Variants in RANBP9 observed in about 807,000 individuals in gnomAD.
RANBP9 encodes ran-binding protein 9.
In RANBP9, 15 loss-of-function variants were observed where a neutral mutation model predicts 84.3. The ratio of observed to expected loss-of-function variants is 0.18; its 90% CI spans 0.12 to 0.27. The LOEUF (loss-of-function observed/expected upper bound fraction) is 0.27. Among genes scored for constraint, RANBP9 ranks in the 10% least tolerant of loss-of-function variants. The probability of loss-of-function intolerance (pLI) is 1.00; values close to 1 mark genes in which losing one functional copy is unlikely to be tolerated. For missense variants in RANBP9, 809 were observed against 912.8 expected (o/e 0.89, Z 1.46); for synonymous variants, 392 against 349.6 (o/e 1.12, Z -1.35).
intron 2 of RANBP9, among the ~76,000 whole-genome samples, chr6:13,663,376 A>C (rs1408026776): frequency 6.6e-6 from 1 of 152,194 alleles, no homozygotes; most frequent in Non-Finnish European, 1.5e-5. Context: ...ATTTTCAGAT[A>C]AAAGAAAAAC....
intron 12 of RANBP9, among the ~76,000 whole-genome samples, chr6:13,630,915 T>C (rs1479118175): frequency 6.6e-6 from 1 of 152,122 alleles, no homozygotes; most frequent in Non-Finnish European, 1.5e-5. Context: ...GTTCAAGTGA[T>C]TCTCCTGCCT....
intron 2 of RANBP9, among the ~76,000 whole-genome samples, chr6:13,673,760 A>G (rs1765826177): frequency 1.3e-5 from 2 of 152,198 alleles, no homozygotes; most frequent in Admixed American, 1.3e-4. Context: ...TTTATACAGA[A>G]AAGAAAAATG....
chr6:13,686,020 T>C (rs1006492109), intron 2 of RANBP9, among the ~76,000 whole-genome samples: 4 of 150,940 alleles, frequency 2.7e-5, no homozygotes, highest in African/African-American at 9.7e-5. Context: ...TAGCAATTAA[T>C]TATACAAAAA....
At chr6:13,663,279 C>A (rs1188414117) in intron 2 of RANBP9, among the ~76,000 whole-genome samples, 2 of 151,472 alleles carry the variant, frequency 1.3e-5, no homozygotes, top group Non-Finnish European at 2.9e-5. Context: ...TTTAAAAGTG[C>A]TAAAAAGAAA....
intron 11 of RANBP9, among the ~76,000 whole-genome samples, chr6:13,633,182 G>A (rs1210722146): frequency 1.3e-5 from 2 of 152,014 alleles, no homozygotes; most frequent in East Asian, 3.9e-4. Context: ...TTACAGGCAC[G>A]CGCCATCATG....
chr6:13,695,864 G>A (rs779607332), intron 2 of RANBP9, among the ~76,000 whole-genome samples: 9 of 152,010 alleles, frequency 5.9e-5, no homozygotes, highest in Admixed American at 3.3e-4. Flanking sequence ...CACTTATTTG[G>A]TTAATTAAAC....
intron 2 of RANBP9, among the ~76,000 whole-genome samples, chr6:13,667,037 G>C (rs1027185638): frequency 1.3e-5 from 2 of 152,140 alleles, no homozygotes; most frequent in African/African-American, 4.8e-5. Context: ...CCAACAGTGA[G>C]GGACAGGCAA....
At chr6:13,663,424 C>T (rs1270729489) in intron 2 of RANBP9, among the ~76,000 whole-genome samples, 1 of 152,014 alleles carries the variant, frequency 6.6e-6, no homozygotes, top group African/African-American at 2.4e-5. Context: ...TAAAAAAATG[C>T]TCTTAATTTT....
chr6:13,658,477 C>T (rs781106673), intron 3 of RANBP9, among the ~76,000 whole-genome samples: 1 of 151,998 alleles, frequency 6.6e-6, no homozygotes, highest in Non-Finnish European at 1.5e-5. Flanking sequence ...GGCCTGGTGG[C>T]GCATGCCTGT....
At chr6:13,683,044 G>T (rs893775345) in intron 2 of RANBP9, among the ~76,000 whole-genome samples, 2 of 152,142 alleles carry the variant, frequency 1.3e-5, no homozygotes, top group Non-Finnish European at 2.9e-5. Flanking sequence ...CTTAGATTCT[G>T]TACTATACAA....
intron 2 of RANBP9, among the ~76,000 whole-genome samples, chr6:13,664,107 C>CT (rs1765593478): frequency 6.6e-6 from 1 of 152,068 alleles, no homozygotes; most frequent in Non-Finnish European, 1.5e-5. Flanking sequence ...GATGATATGA[C>CT]TGTTTATAAA....
intron 2 of RANBP9, among the ~76,000 whole-genome samples, chr6:13,661,820 C>G (rs1284261651): frequency 6.6e-6 from 1 of 152,012 alleles, no homozygotes; most frequent in Non-Finnish European, 1.5e-5. Context: ...ATCTTAAAAG[C>G]TACCAGAAAG....
At chr6:13,664,347 G>A (rs1224531178) in intron 2 of RANBP9, among the ~76,000 whole-genome samples, 1 of 152,092 alleles carries the variant, frequency 6.6e-6, no homozygotes. Flanking sequence ...AATCTTAAAA[G>A]ACGTAAATAA....
At chr6:13,657,353 T>C in intron 3 of RANBP9, 77 bp from the exon 4 acceptor site, 1 of 1,273,158 alleles carries the variant, frequency 7.9e-7, no homozygotes, top group Non-Finnish European at 1.1e-6. Flanking sequence ...AAGATTATGA[T>C]AAATCAGAAC....
rs191736829 is a variant in RANBP9 at position 13,710,473 on chromosome 6, G to A, written c.571+462C>T. On this transcript the variant is annotated intron_variant, in intron 1 of 13. Coordinates refer to ENST00000011619, the MANE Select transcript of RANBP9 (RefSeq NM_005493.3). ...ATTACTCCTCCCCCTGTGTATCCCT[G>A]CTCTCTCTTAATTAGAAATCATACC... Among the ~76,000 whole-genome samples the A allele has an allele frequency of 1.4e-3, 217 of 152,076 alleles. 3 individuals carry two copies. The highest frequency in any genetic ancestry group is 2.5e-3 in the Non-Finnish European group (171 of 68,000).
Position 13,711,518 on chromosome 6 carries a change from T to C in RANBP9, c.-13A>G. 1.6e-6 allele frequency: 2 copies of C among 1,246,832 alleles called. No homozygotes were observed. The highest frequency in any genetic ancestry group is 2.0e-6 in the Non-Finnish European group (2 of 992,378). The allele number at this position is 1,246,832 out of a possible 1,614,324, so 77.2% of individuals were successfully genotyped here. On this transcript the variant is annotated 5_prime_UTR_variant, in exon 1 of 14. Coordinates refer to ENST00000011619, the MANE Select transcript of RANBP9 (RefSeq NM_005493.3). ...GCTGCCCGGACATCCCGGCCGCGAC[T>C]CAGCCTGCGGCCACCTCCACCTCTT...
At chr6:13,709,822 G>C (rs1758228384) in intron 1 of RANBP9, among the ~76,000 whole-genome samples, 1 of 152,180 alleles carries the variant, frequency 6.6e-6, no homozygotes, top group Non-Finnish European at 1.5e-5. Flanking sequence ...TATAAGTTAA[G>C]AATTTAACCA....
At chr6:13,710,853 G>C (rs542744156) in intron 1 of RANBP9, 82 bp downstream of exon 1, 1 of 1,428,526 alleles carries the variant, frequency 7.0e-7, no homozygotes, top group African/African-American at 1.5e-5. Context: ...GCGGGGGTCG[G>C]GGGCGGGTCG....
chr6:13,688,430 G>A (rs919346850), intron 2 of RANBP9, among the ~76,000 whole-genome samples: 3 of 152,006 alleles, frequency 2.0e-5, no homozygotes, highest in Non-Finnish European at 4.4e-5. Flanking sequence ...AACAGTGTTG[G>A]TTACCTCCTC....
Sources: gnomAD v4.1 joint callset for allele counts (sites outside exome capture counted in the v4.1 genomes callset) on GRCh38, gnomAD v4.1.1 for gene constraint, MANE v1.5 for transcripts, NCBI Gene and HGNC (gene_info 2026-07-23, HGNC 2026-07-21) for gene names.